Variants in RIOK3 observed in about 807,000 individuals in gnomAD.
RIOK3 encodes RIO kinase 3.
RIOK3 carries 40 observed loss-of-function variants against 63.5 expected under a neutral mutation model. The observed-to-expected ratio is 0.63, with a 90% confidence interval of 0.49 to 0.82. The LOEUF (loss-of-function observed/expected upper bound fraction) is 0.82. Among genes scored for constraint, RIOK3 ranks in the 40% least tolerant of loss-of-function variants. RIOK3 has a pLI of 0.00. For missense variants in RIOK3, 557 were observed against 637.0 expected (o/e 0.87, Z 1.35); for synonymous variants, 193 against 205.0 (o/e 0.94, Z 0.50).
intron 7 of RIOK3, among the ~76,000 whole-genome samples, chr18:23,472,290 G>T (rs2057461726): frequency 6.6e-6 from 1 of 152,046 alleles, no homozygotes; most frequent in Non-Finnish European, 1.5e-5. Context: ...GAGCCATGGG[G>T]CTAAGTGAAA....
At position 23,466,621 on chromosome 18, in the gene RIOK3, T is replaced by C. The variant is rs557502097; in HGVS notation, c.687+345T>C. Among the ~76,000 whole-genome samples, 6 of 148,228 alleles carry C rather than the reference T, an allele frequency of 4.0e-5. No homozygotes were observed. In the East Asian group the frequency reaches 1.2e-3, roughly 30 times the overall value. On this transcript the variant is annotated intron_variant, in intron 6 of 12. Transcript: ENST00000339486. ...GGGAGGATTGGTTGAGCCCAAGAAG[T>C]TGAGGCTGCAGTGAACCATGATTGT... is the stretch of plus-strand genomic sequence containing the variant.
chr18:23,477,073 G>C lies in RIOK3; in HGVS notation c.1241G>C (p.Trp414Ser). The change falls in exon 10 of 13, where the codon TGG becomes TCG. Residue 414 changes from tryptophan (W) to serine (S), a missense_variant. By Grantham distance (177) the Trp-to-Ser change is radical. Around this residue, in one of 3 missense-constraint regions of RIOK3, gnomAD observed 309 missense variants for 338.7 expected, o/e 0.91. Coordinates refer to ENST00000339486, the MANE Select transcript of RIOK3 (RefSeq NM_003831.5). ...HADLSEYNML[W>S]HAGKVWLIDV... Reference sequence around the variant, plus strand: ...GACCTCAGTGAGTATAACATGCTGTGGCATGCTGGAAAGGTGAGGAGCACA... The same window carrying C: ...GACCTCAGTGAGTATAACATGCTGTCGCATGCTGGAAAGGTGAGGAGCACA... The C allele has an allele frequency of 6.2e-7, 1 of 1,613,830 alleles. No homozygotes were observed. Among genetic ancestry groups the C allele is most frequent in the Non-Finnish European group, 8.5e-7 (1 of 1,179,796 alleles).
intron 11 of RIOK3, 111 bp downstream of exon 11, chr18:23,477,379 A>G: frequency 1.2e-6 from 1 of 823,974 alleles, no homozygotes; most frequent in Admixed American, 1.9e-5. Flanking sequence ...GAAGGAAGGG[A>G]TACGGGCTGC....
chr18:23,463,070 C>G lies in RIOK3; in HGVS notation c.170C>G (p.Pro57Arg). The G allele has an allele frequency of 1.2e-6, 2 of 1,604,564 alleles. No individual in the cohort carries two copies. Among genetic ancestry groups the G allele is most frequent in the Non-Finnish European group, 1.7e-6 (2 of 1,175,026 alleles). ...LQLEEEAAVF[P>R]EVAVAEGPFI... ...TTAGAAGAAGAAGCTGCCGTTTTTC[C>G]TGAAGTTGCGTAAGTAAAATTCACA... Residue 57 changes from proline to arginine, a missense_variant, in exon 2 of 13, where the codon CCT becomes CGT. By Grantham distance (103) the Pro-to-Arg change is moderately radical. Around this residue, in one of 3 missense-constraint regions of RIOK3, gnomAD observed 243 missense variants for 275.4 expected, o/e 0.88. Coordinates refer to ENST00000339486, the MANE Select transcript of RIOK3 (RefSeq NM_003831.5).
chr18:23,453,305 C>T lies in RIOK3; in HGVS notation c.-135C>T, dbSNP rs2057314776. Reference sequence around the variant, plus strand: ...GAGATCCAGTTCCGGACGCGGCCGCCGCCGTCGCCGCCATCTGTCACCTCC... The same window carrying T: ...GAGATCCAGTTCCGGACGCGGCCGCTGCCGTCGCCGCCATCTGTCACCTCC... On this transcript the variant is annotated 5_prime_UTR_variant, in exon 1 of 13. Coordinates refer to ENST00000339486, the MANE Select transcript of RIOK3 (RefSeq NM_003831.5). The T allele has an allele frequency of 4.1e-6, 3 of 737,868 alleles. No individual in the cohort carries two copies. The highest frequency in any genetic ancestry group is 5.0e-5 in the East Asian group (2 of 40,172). 45.7% of individuals were successfully genotyped at this position (737,868 alleles called of 1,614,324 possible). A position where few individuals can be genotyped will look rare whatever the true frequency, so the allele number is the denominator to read the frequency against.
intron 9 of RIOK3, among the ~76,000 whole-genome samples, 197 bp from the exon 10 acceptor site, chr18:23,476,809 G>A (rs752391934): frequency 6.6e-6 from 1 of 152,182 alleles, no homozygotes; most frequent in African/African-American, 2.4e-5. Flanking sequence ...CTACTTGGGA[G>A]GCTGAGGCAG....
At position 23,464,677 on chromosome 18, in the gene RIOK3, A is replaced by G. The variant is rs377156998; in HGVS notation, c.543+49A>G. The stretch of plus-strand genomic sequence containing the variant: ...TCTGAATTTAGAGTTTTGTTTGAAT[A>G]CCTTTCAAAAACAGGATTCTAAATA... On this transcript the variant is annotated intron_variant, in intron 5 of 12. Transcript: ENST00000339486. 2.9e-5 allele frequency: 32 copies of G among 1,096,650 alleles called. No individual in the cohort carries two copies. In the African/African-American group the frequency reaches 4.2e-4, roughly 14 times the overall value. The allele number at this position is 1,096,650 out of a possible 1,614,324, so 67.9% of individuals were successfully genotyped here. A position where few individuals can be genotyped will look rare whatever the true frequency, so the allele number is the denominator to read the frequency against.
Position 23,466,229 on chromosome 18 carries a change from G to A in RIOK3, c.640G>A (p.Glu214Lys). 2 of 1,612,282 alleles carry A rather than the reference G, an allele frequency of 1.2e-6. 1 individual carries two copies. Among genetic ancestry groups the A allele is most frequent in the South Asian group, 2.2e-5 (2 of 90,596 alleles). ...TTTAAAACAACATGCCTACTCAGAA[G>A]AACGTCGAAGTGCCCGCCTACATGA... ...NALKQHAYSE[E>K]RRSARLHEKK... The change falls in exon 6 of 13, where the codon GAA becomes AAA. Residue 214 changes from glutamate to lysine, a missense_variant. Physicochemically the swap from Glu to Lys is moderately conservative, Grantham distance 56. This residue lies in a region of RIOK3 where 243 missense variants were observed against 275.4 expected (regional missense o/e 0.88). Transcript: ENST00000339486.
chr18:23,461,437 A>G (rs2057371542), intron 1 of RIOK3, among the ~76,000 whole-genome samples: 1 of 152,238 alleles, frequency 6.6e-6, no homozygotes, highest in South Asian at 2.1e-4. Flanking sequence ...GAAACTACCA[A>G]GATTGAGAGC....
In RIOK3 at chr18:23,473,639, T is replaced by C. The variant is rs1040276329; in HGVS notation, c.1013+13T>C. The C allele has an allele frequency of 6.3e-7, 1 of 1,599,626 alleles. No individual in the cohort carries two copies. The highest frequency in any genetic ancestry group is 8.6e-7 in the Non-Finnish European group (1 of 1,168,522). On this transcript the variant is annotated intron_variant, in intron 8 of 12. Transcript: ENST00000339486. ...ACAATCTCGCAAGGTAAAGAAAATA[T>C]TGTGCTAGACGTAATCTTGGGTAAA...
In RIOK3 at chr18:23,462,969, ATGGGC is replaced by A; in HGVS notation, c.71_75del (p.Trp24TyrfsTer12). 1 of 1,549,112 alleles carries A rather than the reference ATGGGC, an allele frequency of 6.5e-7. No homozygotes were observed. Among genetic ancestry groups the A allele is most frequent in the Non-Finnish European group, 8.8e-7 (1 of 1,141,994 alleles). On this transcript the variant is annotated frameshift_variant, in exon 2 of 13. Transcript: ENST00000339486. LOFTEE classifies it high-confidence loss of function. The stretch of plus-strand genomic sequence containing the variant: ...TCTTTTTTCTTTTTTCATAGTGTCC[ATGGGC>A]TATTCCTCAAAATACAATATCTTGT...
intron 7 of RIOK3, among the ~76,000 whole-genome samples, chr18:23,468,721 A>G (rs569131040): frequency 6.6e-6 from 1 of 152,374 alleles, no homozygotes; most frequent in African/African-American, 2.4e-5. Flanking sequence ...AGTTTTCTAC[A>G]GCTAAAAGTT....
rs66644690 is a variant in RIOK3, at chr18:23,480,590, C to CACACACACACAT, written c.1453-581_1453-580insCACACACACATA. Among the ~76,000 whole-genome samples, 23 of 148,300 alleles carry CACACACACACAT rather than the reference C, an allele frequency of 1.6e-4. No individual in the cohort carries two copies. The South Asian group carries it at 3.9e-3, about 25-fold the overall frequency. On this transcript the variant is annotated intron_variant, in intron 12 of 12. Transcript: ENST00000339486. ...ACACACACACACACACACACACACA[C>CACACACACACAT]ATAGTAATTTCAACTCAAAGGCAGA...
intron 8 of RIOK3, among the ~76,000 whole-genome samples, chr18:23,474,177 T>C (rs754616589): frequency 5.3e-5 from 8 of 152,178 alleles, no homozygotes; most frequent in Non-Finnish European, 7.3e-5. Context: ...TCTAAAGATA[T>C]TTGCTTTCAA....
At chr18:23,475,595 C>A (rs1017872092) in intron 9 of RIOK3, among the ~76,000 whole-genome samples, 2 of 151,842 alleles carry the variant, frequency 1.3e-5, no homozygotes, top group Non-Finnish European at 2.9e-5. Flanking sequence ...TGCCACTGCA[C>A]CCCAGCCTGG....
intron 7 of RIOK3, among the ~76,000 whole-genome samples, chr18:23,470,838 G>GT (rs1156416071): frequency 6.6e-6 from 1 of 152,208 alleles, no homozygotes; most frequent in Non-Finnish European, 1.5e-5. Context: ...CTCTATCCTA[G>GT]AGACCTTCCA....
At chr18:23,464,989 T>C (rs1244495316) in intron 5 of RIOK3, among the ~76,000 whole-genome samples, 2 of 152,194 alleles carry the variant, frequency 1.3e-5, no homozygotes, top group Non-Finnish European at 2.9e-5. Context: ...AGAAATACTT[T>C]TCACCATATA....
chr18:23,460,467 A>G (rs994018108), intron 1 of RIOK3, among the ~76,000 whole-genome samples: 2 of 152,244 alleles, frequency 1.3e-5, no homozygotes, highest in Non-Finnish European at 2.9e-5. Context: ...GGTTAAAAGA[A>G]AAGCCTTTGT....
chr18:23,479,518 C>T (rs1307955326), intron 12 of RIOK3, 94 bp downstream of exon 12: 3 of 648,466 alleles, frequency 4.6e-6, no homozygotes, highest in Admixed American at 5.7e-5. Context: ...TCCTCCCTTT[C>T]CCCCAAAACA....
Sources: allele counts gnomAD v4.1 joint callset (sites outside exome capture counted in the v4.1 genomes callset), GRCh38; gene constraint gnomAD v4.1.1; regional missense constraint gnomAD v4.1.1; transcripts MANE v1.5; gene names NCBI Gene and HGNC (gene_info 2026-07-23, HGNC 2026-07-21).